The following MARK3 variants were observed in gnomAD, a reference collection of about 807,000 sequenced individuals.
The protein encoded by MARK3 is MAP/microtubule affinity-regulating kinase 3.
A neutral mutation model predicts 90.1 loss-of-function variants in MARK3; 46 were observed. The observed-to-expected ratio is 0.51, with a 90% CI of 0.40 to 0.65. The LOEUF is 0.65. Among genes scored for constraint, MARK3 ranks in the 30% least tolerant of loss-of-function variants. MARK3 has a pLI of 0.00. For missense variants in MARK3, 818 were observed against 947.2 expected (o/e 0.86, Z 1.79); for synonymous variants, 321 against 332.6 (o/e 0.97, Z 0.38).
At chr14:103,501,852 A>G (rs1163277570) in intron 17 of MARK3, among the ~76,000 whole-genome samples, 1 of 152,232 alleles carries the variant, frequency 6.6e-6, no homozygotes, top group Non-Finnish European at 1.5e-5. Flanking sequence ...TTCTCTCATC[A>G]GTATTGGTGG....
intron 17 of MARK3, among the ~76,000 whole-genome samples, chr14:103,501,140 C>T (rs2075640252): frequency 6.6e-6 from 1 of 152,172 alleles, no homozygotes; most frequent in Non-Finnish European, 1.5e-5. Context: ...GAATTAAAAC[C>T]TTCAGTGACC....
At chr14:103,413,064 G>T (rs188244923) in intron 2 of MARK3, among the ~76,000 whole-genome samples, 2 of 151,532 alleles carry the variant, frequency 1.3e-5, no homozygotes, top group Non-Finnish European at 1.5e-5. Context: ...TAGTAGAGAC[G>T]GGTTTCTCCA....
intron 12 of MARK3, among the ~76,000 whole-genome samples, chr14:103,472,831 C>A (rs1840496625): frequency 6.6e-6 from 1 of 151,692 alleles, no homozygotes; most frequent in African/African-American, 2.4e-5. Flanking sequence ...ATGGTGAAAC[C>A]CCGTCTCTAC....
Position 103,503,376 on chromosome 14 carries a change from A to T in MARK3, c.*149A>T, listed in dbSNP as rs1386699949. ...GGACGAGAGCACGCCTGGGAGCGAA[A>T]GCTGGCCTTTTTTCTACGAATGCAC... On this transcript the variant is annotated 3_prime_UTR_variant, in exon 18 of 18. Transcript: ENST00000429436. 4.0e-6 allele frequency: 3 copies of T among 748,854 alleles called. No homozygotes were observed. Among genetic ancestry groups the T allele is most frequent in the Non-Finnish European group, 6.3e-6 (3 of 474,356 alleles). 46.4% of individuals were successfully genotyped at this position (748,854 alleles called of 1,614,324 possible).
chr14:103,500,936 T>C (rs1334061158), intron 17 of MARK3, among the ~76,000 whole-genome samples: 3 of 152,200 alleles, frequency 2.0e-5, no homozygotes, highest in African/African-American at 7.2e-5. Flanking sequence ...TTTTCCATTT[T>C]GTATAGTTAT....
chr14:103,491,499 T>G, intron 14 of MARK3: 1 of 353,158 alleles, frequency 2.8e-6, no homozygotes, highest in South Asian at 4.2e-5. Flanking sequence ...AAAGTTTGAG[T>G]TAGCTGTTCT....
At chr14:103,492,436 G>A (rs545070745) in intron 15 of MARK3, among the ~76,000 whole-genome samples, 20 of 152,186 alleles carry the variant, frequency 1.3e-4, no homozygotes, top group Non-Finnish European at 1.5e-4. Flanking sequence ...AGCCCCAGAG[G>A]AAAGAGACAG....
At chr14:103,400,192 G>A (rs2090866217) in intron 1 of MARK3, among the ~76,000 whole-genome samples, 1 of 152,132 alleles carries the variant, frequency 6.6e-6, no homozygotes, top group Non-Finnish European at 1.5e-5. Flanking sequence ...GCCTCCCAAA[G>A]TGCTGGGATT....
rs1037047042 is a variant in MARK3, at chr14:103,483,507, G to A, written c.1586+3017G>A. Among the ~76,000 whole-genome samples, 4 of 152,134 alleles carry A rather than the reference G, an allele frequency of 2.6e-5. No individual in the cohort carries two copies. In the East Asian group the frequency reaches 7.7e-4, roughly 29 times the overall value. On this transcript the variant is annotated intron_variant, in intron 14 of 17. Transcript: ENST00000429436. ...AAATGCAAGGCTTTTTCTCGTCATA[G>A]GCAATATAATTAATTTTAATTATTT...
At chr14:103,424,952 A>T (rs1434145466) in intron 2 of MARK3, among the ~76,000 whole-genome samples, 2 of 151,830 alleles carry the variant, frequency 1.3e-5, no homozygotes, top group African/African-American at 2.4e-5. Flanking sequence ...ATTTATTTTT[A>T]TTTTTTTGAG....
rs2093550554 is a variant in MARK3 at position 103,468,132 on chromosome 14, A to G, written c.1210A>G (p.Lys404Glu). Residue 404 changes from lysine (K) to glutamate (E), a missense_variant, in exon 12 of 18, where the codon AAA becomes GAA. Lys to Glu is a moderately conservative substitution (Grantham distance 56). Transcript: ENST00000429436. The part of the protein sequence containing the change: ...NNSTGQSPHH[K>E]VQRSVSSSQK... Reference sequence around the variant, plus strand: ...CAGTACTGGCCAGTCTCCTCACCACAAAGTGCAGAGAAGTGTTTCTTCAAG... The same window carrying G: ...CAGTACTGGCCAGTCTCCTCACCACGAAGTGCAGAGAAGTGTTTCTTCAAG... 6.2e-7 allele frequency: 1 copy of G among 1,613,832 alleles called. No homozygotes were observed. The highest frequency in any genetic ancestry group is 1.3e-5 in the African/African-American group (1 of 74,858).
In MARK3 at chr14:103,394,914, C is replaced by CT. The variant is rs765232397; in HGVS notation, c.51+8835dup. Among the ~76,000 whole-genome samples, 223 of 152,124 alleles carry CT rather than the reference C, an allele frequency of 1.5e-3. 1 individual carries two copies. Among genetic ancestry groups the CT allele is most frequent in the Non-Finnish European group, 2.9e-3 (199 of 68,040 alleles). On this transcript the variant is annotated intron_variant, in intron 1 of 17. Coordinates refer to ENST00000429436, the MANE Select transcript of MARK3 (RefSeq NM_001128918.3). ...TGTCCTGCCTCAGCCTCCCGAGTAG[C>CT]TGGGATTACAGGCACCCGCCACCAC... is the stretch of plus-strand genomic sequence containing the variant.
intron 3 of MARK3, among the ~76,000 whole-genome samples, chr14:103,444,052 C>T (rs1487839482): frequency 1.4e-5 from 2 of 144,548 alleles, no homozygotes; most frequent in Non-Finnish European, 3.0e-5. Flanking sequence ...CTTTTACATA[C>T]TCATTTTACT....
chr14:103,455,328 A>G (rs1363166111), intron 5 of MARK3, among the ~76,000 whole-genome samples: 2 of 152,226 alleles, frequency 1.3e-5, no homozygotes, highest in East Asian at 3.8e-4. Flanking sequence ...GGTCATTCGC[A>G]TAGAAAATGC....
At chr14:103,449,711 G>A (rs1475879795) in intron 4 of MARK3, among the ~76,000 whole-genome samples, 1 of 152,114 alleles carries the variant, frequency 6.6e-6, no homozygotes, top group Non-Finnish European at 1.5e-5. Context: ...ATAAGCAAAT[G>A]ACTTAATACT....
intron 1 of MARK3, among the ~76,000 whole-genome samples, chr14:103,395,654 T>C (rs1474844404): frequency 6.6e-6 from 1 of 152,226 alleles, no homozygotes; most frequent in Non-Finnish European, 1.5e-5. Flanking sequence ...AGAAAGTTGC[T>C]CAGAGGTAAA....
At chr14:103,490,144 T>A (rs956373389) in intron 14 of MARK3, 1 of 150,830 alleles carries the variant, frequency 6.6e-6, no homozygotes, top group African/African-American at 2.4e-5. Flanking sequence ...ATGACAAAAC[T>A]CTCTCTACTA....
intron 3 of MARK3, among the ~76,000 whole-genome samples, chr14:103,436,691 T>C (rs1449176724): frequency 6.6e-6 from 1 of 152,224 alleles, no homozygotes; most frequent in Non-Finnish European, 1.5e-5. Flanking sequence ...TAGCTCACTG[T>C]AGCCTGGAAC....
At chr14:103,414,991 A>AT (rs535796970) in intron 2 of MARK3, among the ~76,000 whole-genome samples, 75 of 151,944 alleles carry the variant, frequency 4.9e-4, no homozygotes, top group African/African-American at 1.7e-3. Flanking sequence ...ATCTCTACTA[A>AT]AAATACAAAA....
Sources: gnomAD v4.1 joint callset for allele counts (sites outside exome capture counted in the v4.1 genomes callset) on GRCh38, gnomAD v4.1.1 for gene constraint, MANE v1.5 for transcripts, NCBI Gene and HGNC (gene_info 2026-07-23, HGNC 2026-07-21) for gene names.